PLEKHA6: variants seen among roughly 807,000 people sequenced by gnomAD.
The protein encoded by PLEKHA6 is pleckstrin homology domain containing A6, also known as pleckstrin homology domain-containing family A member 6.
Under a neutral mutation model 116.7 loss-of-function variants are expected in PLEKHA6, and 60 were observed. The ratio of observed to expected loss-of-function variants is 0.51; its 90% CI spans 0.42 to 0.64. The LOEUF (loss-of-function observed/expected upper bound fraction) is 0.64, where lower values mean the gene tolerates loss of function less well. Among genes scored for constraint, PLEKHA6 ranks in the 30% least tolerant of loss-of-function variants. PLEKHA6 has a pLI of 0.00. For synonymous variants in PLEKHA6, 489 were observed against 556.1 expected (o/e 0.88, Z 1.70); for missense variants, 1,338 against 1,422.7 (o/e 0.94, Z 0.96).
intron 1 of PLEKHA6, among the ~76,000 whole-genome samples, chr1:204,316,588 C>T (rs1034647311): frequency 6.6e-6 from 1 of 152,166 alleles, no homozygotes; most frequent in Non-Finnish European, 1.5e-5. Flanking sequence ...GGTGACTTGG[C>T]TAACTCATTC....
chr1:204,231,925 G>A (rs1661242404), intron 17 of PLEKHA6, among the ~76,000 whole-genome samples: 1 of 151,940 alleles, frequency 6.6e-6, no homozygotes, highest in South Asian at 2.1e-4. Context: ...TTTTTCCCCT[G>A]AATATTTGTG....
At chr1:204,272,704 C>G (rs1304687677) in intron 3 of PLEKHA6, among the ~76,000 whole-genome samples, 2 of 152,210 alleles carry the variant, frequency 1.3e-5, no homozygotes, top group African/African-American at 4.8e-5. Context: ...TTATGCACTT[C>G]TACTGCAGAT....
rs1659743123 is a variant in PLEKHA6 at position 204,222,374 on chromosome 1, A to G, written c.*414T>C. Reference sequence around the variant, plus strand: ...CAGTGTCCATCTCCTCTTCACCTCTAGTCCTCACATAAGATAGCCACAGGT... The same window carrying G: ...CAGTGTCCATCTCCTCTTCACCTCTGGTCCTCACATAAGATAGCCACAGGT... On this transcript the variant is annotated 3_prime_UTR_variant, in exon 23 of 23. Transcript: ENST00000272203. 1 of 152,730 alleles carries G rather than the reference A, an allele frequency of 6.5e-6. No homozygotes were observed. Among genetic ancestry groups the G allele is most frequent in the African/African-American group, 2.4e-5 (1 of 41,442 alleles). The allele number at this position is 152,730 out of a possible 1,614,324, so 9.5% of individuals were successfully genotyped here.
chr1:204,302,471 C>T (rs1239068144), intron 1 of PLEKHA6, among the ~76,000 whole-genome samples: 4 of 152,230 alleles, frequency 2.6e-5, no homozygotes, highest in Admixed American at 2.6e-4. Context: ...AAGAATTTAG[C>T]TGTACTCCCT....
intron 1 of PLEKHA6, chr1:204,301,185 A>T: frequency 1.1e-6 from 1 of 949,206 alleles, no homozygotes; most frequent in Non-Finnish European, 1.3e-6. Flanking sequence ...GTATAGAGCT[A>T]TACAAGCCAC....
chr1:204,318,115 TG>T (rs772742659), intron 1 of PLEKHA6, among the ~76,000 whole-genome samples: 11 of 152,166 alleles, frequency 7.2e-5, no homozygotes, highest in Admixed American at 2.6e-4. Context: ...AGTCACTATG[TG>T]GGAGAAGCTA....
At chr1:204,356,572 A>G (rs1290691645) in intron 1 of PLEKHA6, among the ~76,000 whole-genome samples, 1 of 148,690 alleles carries the variant, frequency 6.7e-6, no homozygotes, top group Non-Finnish European at 1.5e-5. Flanking sequence ...GTCTCAAATA[A>G]TAATAATAAT....
chr1:204,342,560 T>C (rs1672886481), intron 1 of PLEKHA6, among the ~76,000 whole-genome samples: 1 of 152,334 alleles, frequency 6.6e-6, no homozygotes, highest in East Asian at 1.9e-4. Flanking sequence ...TGTTAAAACA[T>C]AGATTCTGAT....
intron 13 of PLEKHA6, among the ~76,000 whole-genome samples, chr1:204,246,913 A>G (rs1663771069): frequency 6.6e-6 from 1 of 152,166 alleles, no homozygotes; most frequent in Non-Finnish European, 1.5e-5. Flanking sequence ...AGGCAGGAGG[A>G]TCACTTGAGC....
At chr1:204,269,809 A>G (rs113016994) in intron 3 of PLEKHA6, among the ~76,000 whole-genome samples, 3 of 152,016 alleles carry the variant, frequency 2.0e-5, no homozygotes, top group Non-Finnish European at 4.4e-5. Context: ...TCTCCTCTCA[A>G]ATATGTTTCT....
chr1:204,371,023 C>T (rs1426894871), intron 2 of PLEKHA6, among the ~76,000 whole-genome samples: 2 of 142,372 alleles, frequency 1.4e-5, no homozygotes, highest in Non-Finnish European at 3.0e-5. Flanking sequence ...CACTGCACTC[C>T]AGCCTGTGCG....
intron 1 of PLEKHA6, among the ~76,000 whole-genome samples, chr1:204,329,143 G>C (rs966106368): frequency 3.3e-5 from 5 of 152,230 alleles, no homozygotes; most frequent in African/African-American, 1.2e-4. Flanking sequence ...TTGTGTCTGA[G>C]CATTAATTTG....
intron 1 of PLEKHA6, among the ~76,000 whole-genome samples, chr1:204,351,668 C>A (rs1299349992): frequency 6.6e-6 from 1 of 152,184 alleles, no homozygotes; most frequent in African/African-American, 2.4e-5. Flanking sequence ...ATTATCCTCA[C>A]TTCGCAGATA....
At chr1:204,325,615 C>T (rs975901110) in intron 1 of PLEKHA6, among the ~76,000 whole-genome samples, 1 of 152,206 alleles carries the variant, frequency 6.6e-6, no homozygotes, top group Non-Finnish European at 1.5e-5. Flanking sequence ...CAAGTACCTG[C>T]CTCGCTGGGC....
chr1:204,268,383 C>A (rs1187236270), intron 3 of PLEKHA6, 71 bp from the exon 4 acceptor site: 3 of 1,090,862 alleles, frequency 2.8e-6, no homozygotes, highest in Non-Finnish European at 3.9e-6. Context: ...AAGGGAGCCA[C>A]CCCTGCTAGA....
At chr1:204,226,681 A>G (rs1456311144) in intron 21 of PLEKHA6, among the ~76,000 whole-genome samples, 1 of 151,894 alleles carries the variant, frequency 6.6e-6, no homozygotes, top group Non-Finnish European at 1.5e-5. Context: ...TCCCTGAAAT[A>G]CCTCCAAGGC....
intron 5 of PLEKHA6, among the ~76,000 whole-genome samples, chr1:204,267,092 A>G (rs11240712): frequency 0.66 from 100,168 of 152,016 alleles, 33,370 homozygotes; most frequent in East Asian, 0.83. Context: ...TGGGATAGGA[A>G]GAAAGGCCAC....
At chr1:204,248,751 G>T in intron 12 of PLEKHA6, 70 bp downstream of exon 12, 2 of 1,434,596 alleles carry the variant, frequency 1.4e-6, no homozygotes, top group Non-Finnish European at 1.9e-6. Context: ...GACAGCACAA[G>T]CTGGGAGGTG....
At chr1:204,243,988 T>C (rs1387809450) in intron 15 of PLEKHA6, among the ~76,000 whole-genome samples, 3 of 147,800 alleles carry the variant, frequency 2.0e-5, no homozygotes, top group Non-Finnish European at 4.5e-5. Context: ...GCCCGGCTAA[T>C]TTTTTGTATT....
Sources: allele counts gnomAD v4.1 joint callset (sites outside exome capture counted in the v4.1 genomes callset), GRCh38; gene constraint gnomAD v4.1.1; transcripts MANE v1.5; gene names NCBI Gene and HGNC (gene_info 2026-07-23, HGNC 2026-07-21).